PLEC: variants seen among roughly 807,000 people sequenced by gnomAD.
The protein encoded by PLEC is plectin, also known as hemidesmosomal protein 1.
A neutral mutation model predicts 392.8 loss-of-function variants in PLEC; 216 were observed. The observed-to-expected ratio is 0.55, with a 90% CI of 0.49 to 0.62. The LOEUF is 0.62. Among genes scored for constraint, PLEC ranks in the 20% least tolerant of loss-of-function variants. The pLI is 0.00. For synonymous variants in PLEC, 3,621 were observed against 2,980.6 expected (o/e 1.21, Z -7.00); for missense variants, 6,863 against 6,563.4 (o/e 1.05, Z -1.58).
Position 143,924,405 on chromosome 8 carries a change from T to C in PLEC, c.5524A>G (p.Ile1842Val), listed in dbSNP as rs1554697131. 10 of 1,593,500 alleles carry C rather than the reference T, an allele frequency of 6.3e-6. No homozygotes were observed. Among genetic ancestry groups the C allele is most frequent in the Middle Eastern group, 1.7e-4 (1 of 5,992 alleles). The change falls in exon 31 of 32, where the codon ATC (isoleucine) becomes GTC (valine). Residue 1842 changes from isoleucine (I) to valine (V), a missense_variant. Ile to Val is a conservative substitution (Grantham distance 29). Transcript: ENST00000345136. ...ERVLAEKLAAIGEATRLKTEA... is the reference protein window; with the variant it reads ...ERVLAEKLAAVGEATRLKTEA... ...GTCTTGAGCCGCGTGGCCTCGCCGA[T>C]GGCGGCCAGCTTCTCCGCAAGCACC... is the stretch of plus-strand genomic sequence containing the variant.
In PLEC at chr8:143,927,483, C is replaced by T. The variant is rs201347953; in HGVS notation, c.3683G>A (p.Arg1228Gln). ...CATGGCCTGGATCTGCTCCTGCCGCCGCCTGGCGTCCTGCAGCCAGGCGCC... is the reference window on the plus strand; with the variant it reads ...CATGGCCTGGATCTGCTCCTGCCGCTGCCTGGCGTCCTGCAGCCAGGCGCC... The part of the protein sequence containing the change: ...PLGAWLQDAR[R>Q]RQEQIQAMPL... Residue 1228 changes from arginine (R) to glutamine (Q), a missense_variant, in exon 27 of 32, where the codon CGG becomes CAG. Arg to Gln is a conservative substitution (Grantham distance 43, BLOSUM62 1). Coordinates refer to ENST00000345136, the MANE Select transcript of PLEC (RefSeq NM_201384.3). The T allele has an allele frequency of 2.9e-5, 46 of 1,596,900 alleles. No individual in the cohort carries two copies. The African/African-American group carries it at 3.5e-4, about 12-fold the overall frequency.
At chr8:143,943,943 C>T (rs1464160975), upstream of PLEC, 6 of 1,587,976 alleles carry the variant, frequency 3.8e-6, no homozygotes, top group Non-Finnish European at 5.1e-6. Context: ...GAACCGGCTG[C>T]TCCAGGCTAG....
At chr8:143,954,000 C>T (rs1344345065), upstream of PLEC, 3 of 1,109,554 alleles carry the variant, frequency 2.7e-6, no homozygotes, top group South Asian at 1.9e-5. Context: ...TTCTGGGGCA[C>T]GCGACCCCGC....
At chr8:143,937,515 G>C (rs746350780) in intron 3 of PLEC, 8 of 562,426 alleles carry the variant, frequency 1.4e-5, no homozygotes, top group Non-Finnish European at 2.6e-5. Flanking sequence ...TCGTGTGGAG[G>C]GCAGTGGCAC....
At chr8:143,945,295 C>T in intron 1 of PLEC, 1 of 448,848 alleles carries the variant, frequency 2.2e-6, no homozygotes, top group South Asian at 1.6e-5. Flanking sequence ...TCCCAGGGAT[C>T]TGGGATGGAG....
In PLEC at chr8:143,935,178, G is replaced by A. The variant is rs1554722016; in HGVS notation, c.718+20C>T. On this transcript the variant is annotated intron_variant, in intron 7 of 31. Coordinates refer to ENST00000345136, the MANE Select transcript of PLEC (RefSeq NM_201384.3). ...CAGGCAGCAGGGGAAGGGACAGGGA[G>A]GAAGGCCACGCAGACGTACCCTCAG... is the stretch of plus-strand genomic sequence containing the variant. 1.9e-6 allele frequency: 3 copies of A among 1,611,292 alleles called. No individual in the cohort carries two copies. The highest frequency in any genetic ancestry group is 1.3e-5 in the African/African-American group (1 of 75,012).
In PLEC at chr8:143,923,959, C is replaced by T; in HGVS notation, c.5970G>A (p.Val1990=). 6.3e-7 allele frequency: 1 copy of T among 1,592,954 alleles called. No individual in the cohort carries two copies. Among genetic ancestry groups the T allele is most frequent in the South Asian group, 1.1e-5 (1 of 90,416 alleles). The change falls in exon 31 of 32, where the codon GTG becomes GTA. Residue 1990 remains valine (V), a synonymous_variant. Coordinates refer to ENST00000345136, the MANE Select transcript of PLEC (RefSeq NM_201384.3). ...CCTCCTCGGCCGCCAGGCTCTTCTG[C>T]ACGCGCTCCTCAGCCTCACGGCGCC... ...ERRRREAEER[V]QKSLAAEEEA...
In PLEC at chr8:143,965,746, G is replaced by A. The variant is rs188710259; in HGVS notation, c.70+7657C>T. 3.1e-3 allele frequency among the ~76,000 whole-genome samples: 476 copies of A among 152,298 alleles called. 1 individual carries two copies. Among genetic ancestry groups the A allele is most frequent in the African/African-American group, 0.011 (437 of 41,576 alleles). On this transcript the variant is annotated intron_variant, in intron 1 of 31. Transcript: ENST00000356346. ...AGCCCAACCCTGGGAAAATCTCCAGGGCCCTCAGTGGTGAGCAGCAGTCTG... is the reference window on the plus strand; with the variant it reads ...AGCCCAACCCTGGGAAAATCTCCAGAGCCCTCAGTGGTGAGCAGCAGTCTG...
rs1821777711 is a variant in PLEC at position 143,919,460 on chromosome 8, C to G, written c.10361G>C (p.Gly3454Ala). 6.2e-7 allele frequency: 1 copy of G among 1,613,240 alleles called. No individual in the cohort carries two copies. Among genetic ancestry groups the G allele is most frequent in the Non-Finnish European group, 8.5e-7 (1 of 1,179,862 alleles). ...TISLFQAMQK[G>A]LVLRQHGIRL... is the part of the protein sequence containing the mutation. ...GATGCCGTGCTGCCGGAGAACCAGG[C>G]CCTTCTGCATGGCCTGGAAGAGGGA... is the stretch of plus-strand genomic sequence containing the variant. Residue 3454 changes from glycine (G) to alanine (A), a missense_variant, in exon 32 of 32, where the codon GGC (glycine) becomes GCC (alanine). Transcript: ENST00000345136.
rs369084664 is a variant in PLEC, at chr8:143,921,411, G to A, written c.8410C>T (p.Arg2804Cys). 2.3e-5 allele frequency: 37 copies of A among 1,613,130 alleles called. No homozygotes were observed. Among genetic ancestry groups the A allele is most frequent in the East Asian group, 1.1e-4 (5 of 44,876 alleles). Residue 2804 changes from arginine (R) to cysteine (C), a missense_variant, in exon 32 of 32, where the codon CGC becomes TGC. Arg to Cys is a radical substitution (Grantham distance 180). Transcript: ENST00000345136. ...GTGGCGATCTGGGCCTCCAGCAGGC[G>A]GATGCCGTGCTCCCGGACGATGAGG... ...KGLIVREHGI[R>C]LLEAQIATGG... is the part of the protein sequence containing the mutation.
At position 143,918,970 on chromosome 8, in the gene PLEC, G is replaced by C; in HGVS notation, c.10851C>G (p.Arg3617=). 1 of 1,610,876 alleles carries C rather than the reference G, an allele frequency of 6.2e-7. No individual in the cohort carries two copies. The highest frequency in any genetic ancestry group is 2.2e-5 in the East Asian group (1 of 44,872). ...DFQAGRVTKE[R]MIIIIIEIIE... is the part of the protein sequence containing the mutation. ...TGATCTCGATGATGATGATGATCAT[G>C]CGTTCCTTGGTCACCCGGCCGGCCT... The change falls in exon 32 of 32, where the codon CGC becomes CGG. Residue 3617 remains arginine, a synonymous_variant. Transcript: ENST00000345136.
intron 1 of PLEC, among the ~76,000 whole-genome samples, chr8:143,964,349 GA>G (rs1382165367): frequency 7.8e-4 from 119 of 152,284 alleles, no homozygotes; most frequent in African/African-American, 2.8e-3. Context: ...CAAGGATCTT[GA>G]GATGAGATCA....
intron 3 of PLEC, chr8:143,937,573 G>T: frequency 2.1e-6 from 1 of 484,068 alleles, no homozygotes; most frequent in East Asian, 4.1e-5. Context: ...AGCAGCCACC[G>T]GTGGGTCCCA....
At position 143,923,982 on chromosome 8, in the gene PLEC, G is replaced by T. The variant is rs781814416; in HGVS notation, c.5947C>A (p.Arg1983Ser). The T allele has an allele frequency of 3.8e-6, 6 of 1,583,566 alleles. No homozygotes were observed. Among genetic ancestry groups the T allele is most frequent in the South Asian group, 1.1e-5 (1 of 89,654 alleles). Residue 1983 changes from arginine (R) to serine (S), a missense_variant, in exon 31 of 32, where the codon CGC (arginine) becomes AGC (serine). Transcript: ENST00000345136. ...RQLAAEEERR[R>S]REAEERVQKS... ...TGCACGCGCTCCTCAGCCTCACGGC[G>T]CCGCCGCTCCTCCTCCGCCGCCAGC... is the stretch of plus-strand genomic sequence containing the variant.
chr8:143,975,055 G>T, upstream of PLEC: 2 of 1,137,068 alleles, frequency 1.8e-6, no homozygotes, highest in Non-Finnish European at 2.6e-6. The surrounding 1 kb of genome is among the most constrained non-coding windows in gnomAD (Gnocchi z 9.9). Flanking sequence ...GAGGCCCTCC[G>T]TGACCCGCAG....
intron 30 of PLEC, 54 bp from the exon 31 acceptor site, chr8:143,925,938 G>A: frequency 6.6e-7 from 1 of 1,508,294 alleles, no homozygotes. Flanking sequence ...AACACGGGCA[G>A]GCGCTGACGG....
At chr8:143,940,515 G>A (rs868916987), upstream of PLEC, among the ~76,000 whole-genome samples, 1 of 152,200 alleles carries the variant, frequency 6.6e-6, no homozygotes, top group Non-Finnish European at 1.5e-5. Flanking sequence ...AAGGGCAAAG[G>A]GCAAAGGGCC....
intron 16 of PLEC, 61 bp from the exon 17 acceptor site, chr8:143,932,295 A>C: frequency 3.1e-6 from 5 of 1,607,892 alleles, no homozygotes; most frequent in Non-Finnish European, 4.2e-6. Context: ...CCACGCTCCC[A>C]GCAAACTCGA....
At position 143,921,184 on chromosome 8, in the gene PLEC, C is replaced by A; in HGVS notation, c.8637G>T (p.Leu2879=). The change falls in exon 32 of 32, where the codon CTG becomes CTT. Residue 2879 remains leucine, a synonymous_variant. Transcript: ENST00000345136. ...CCTTATCCGTGAGTGGCAGAAGGCA[C>A]AGGCCCGTCTCGGGGTCCTCCACGC... ...ERCVEDPETG[L]CLLPLTDKAA... The A allele has an allele frequency of 6.2e-7, 1 of 1,613,946 alleles. No individual in the cohort carries two copies. Among genetic ancestry groups the A allele is most frequent in the Non-Finnish European group, 8.5e-7 (1 of 1,180,046 alleles).
Sources: gnomAD v4.1 joint callset for allele counts (sites outside exome capture counted in the v4.1 genomes callset) on GRCh38, gnomAD v4.1.1 for gene constraint, Gnocchi (gnomAD v3.1) non-coding constraint, MANE v1.5 for transcripts, NCBI Gene and HGNC (gene_info 2026-07-23, HGNC 2026-07-21) for gene names.